COL9A1: variants seen among roughly 807,000 people sequenced by gnomAD.
COL9A1 encodes the protein collagen alpha-1(IX) chain.
A neutral mutation model predicts 142.6 loss-of-function variants in COL9A1; 104 were observed. The ratio of observed to expected loss-of-function variants is 0.73; its 90% CI spans 0.62 to 0.86. COL9A1 has a LOEUF of 0.86. COL9A1 is among the 40% of genes least tolerant of loss of function. COL9A1 has a pLI of 0.00. For synonymous variants in COL9A1, 466 were observed against 396.0 expected, an observed-to-expected ratio of 1.18 and a Z score of -2.10; for missense variants, 1,210 against 1,176.6, an observed-to-expected ratio of 1.03 and a Z score of -0.42.
intron 5 of COL9A1, among the ~76,000 whole-genome samples, chr6:70,285,006 T>A (rs1412197293): frequency 6.6e-6 from 1 of 152,242 alleles, no homozygotes; most frequent in East Asian, 1.9e-4. Flanking sequence ...CTTTCCTTCC[T>A]ACCCACAGAG....
intron 28 of COL9A1, among the ~76,000 whole-genome samples, chr6:70,248,118 C>T (rs1450262194): frequency 6.6e-6 from 1 of 152,188 alleles, no homozygotes; most frequent in East Asian, 1.9e-4. Flanking sequence ...GGCAAGTTCT[C>T]AGAAGCCAGG....
chr6:70,267,201 G>A (rs569682058), intron 17 of COL9A1, among the ~76,000 whole-genome samples: 3 of 152,162 alleles, frequency 2.0e-5, no homozygotes, highest in Admixed American at 1.3e-4. Context: ...AAAACCCTTC[G>A]GCCTCCTCCA....
chr6:70,263,740 G>A (rs772667425), intron 18 of COL9A1, among the ~76,000 whole-genome samples: 140 of 151,720 alleles, frequency 9.2e-4, no homozygotes, highest in Non-Finnish European at 1.7e-3. Flanking sequence ...ATTTTTCATC[G>A]TGATTTTTAT....
At chr6:70,270,248 A>C in intron 15 of COL9A1, 66 bp downstream of exon 15, 1 of 1,501,436 alleles carries the variant, frequency 6.7e-7, no homozygotes, top group Non-Finnish European at 9.3e-7. Flanking sequence ...TCCATTTTGG[A>C]TTCTTAGATT....
intron 4 of COL9A1, among the ~76,000 whole-genome samples, chr6:70,297,287 C>G (rs1773881781): frequency 1.3e-5 from 2 of 152,058 alleles, no homozygotes; most frequent in Non-Finnish European, 2.9e-5. Context: ...CATCGTTAAA[C>G]TAATGGTAGC....
intron 15 of COL9A1, among the ~76,000 whole-genome samples, chr6:70,269,907 G>T (rs1209791052): frequency 6.6e-6 from 1 of 152,134 alleles, no homozygotes; most frequent in African/African-American, 2.4e-5. Context: ...AGGCAAAATA[G>T]AAAATGTGGG....
intron 5 of COL9A1, among the ~76,000 whole-genome samples, chr6:70,286,726 C>T (rs139272276): frequency 4.6e-5 from 7 of 152,278 alleles, no homozygotes; most frequent in African/African-American, 1.7e-4. Context: ...CTCTGAGCTG[C>T]CTCAAAATTA....
chr6:70,266,328 A>G (rs1276769688), intron 18 of COL9A1, among the ~76,000 whole-genome samples: 2 of 152,230 alleles, frequency 1.3e-5, no homozygotes, highest in Non-Finnish European at 2.9e-5. Context: ...TCTGTTTGCT[A>G]GTCTCAGCAA....
intron 5 of COL9A1, among the ~76,000 whole-genome samples, chr6:70,285,953 A>G (rs1773436252): frequency 6.6e-6 from 1 of 152,072 alleles, no homozygotes; most frequent in Admixed American, 6.6e-5. Flanking sequence ...CAGTAGCACA[A>G]TCTTGGCTCA....
chr6:70,235,844 G>A lies in COL9A1; in HGVS notation c.2113-904C>T, dbSNP rs370814398. On this transcript the variant is annotated intron_variant, in intron 33 of 37. Coordinates refer to ENST00000357250, the MANE Select transcript of COL9A1 (RefSeq NM_001851.6). ...AAAATACTTGACCAGGCCAGGTGCGGTGGCTCACGCCTGTAATCCCAGCAC... is the reference window on the plus strand; with the variant it reads ...AAAATACTTGACCAGGCCAGGTGCGATGGCTCACGCCTGTAATCCCAGCAC... Among the ~76,000 whole-genome samples, 9 of 152,178 alleles carry A rather than the reference G, an allele frequency of 5.9e-5. No individual in the cohort carries two copies. In the East Asian group the frequency reaches 1.4e-3, roughly 23 times the overall value.
intron 2 of COL9A1, 58 bp downstream of exon 2, chr6:70,301,938 AGCCCT>A: frequency 2.2e-6 from 3 of 1,333,972 alleles, no homozygotes; most frequent in Non-Finnish European, 3.2e-6. Flanking sequence ...AGTCAGCCAC[AGCCCT>A]GCCTGATCAT....
intron 10 of COL9A1, among the ~76,000 whole-genome samples, chr6:70,277,343 C>CAAAAAA (rs200889718): frequency 7.3e-6 from 1 of 136,080 alleles, no homozygotes. Flanking sequence ...GTCCATAAGC[C>CAAAAAA]AAAAAAAAAA....
intron 19 of COL9A1, among the ~76,000 whole-genome samples, chr6:70,262,333 A>G (rs1771741086): frequency 6.6e-6 from 1 of 152,224 alleles, no homozygotes; most frequent in Admixed American, 6.5e-5. Flanking sequence ...GCTTGAAAGC[A>G]GAGACCATTT....
At chr6:70,275,595 G>A (rs946513395) in intron 10 of COL9A1, among the ~76,000 whole-genome samples, 71 of 151,784 alleles carry the variant, frequency 4.7e-4, no homozygotes, top group Admixed American at 1.4e-3. Context: ...TATAAAACAC[G>A]TATTAAAGAA....
chr6:70,251,833 G>A (rs891780575), intron 28 of COL9A1, among the ~76,000 whole-genome samples: 12 of 152,172 alleles, frequency 7.9e-5, no homozygotes, highest in Middle Eastern at 3.2e-3. Flanking sequence ...TATAGTATGT[G>A]AATTGTATCT....
chr6:70,261,470 A>C (rs1562310663), intron 19 of COL9A1, among the ~76,000 whole-genome samples: 1 of 152,162 alleles, frequency 6.6e-6, no homozygotes, highest in Non-Finnish European at 1.5e-5. Flanking sequence ...CTCCATTAGG[A>C]AAGTGGGGGT....
Position 70,263,305 on chromosome 6 carries a change from A to G in COL9A1, c.1342-8T>C. 3.1e-6 allele frequency: 5 copies of G among 1,606,258 alleles called. No homozygotes were observed. Among genetic ancestry groups the G allele is most frequent in the Non-Finnish European group, 4.3e-6 (5 of 1,176,418 alleles). On this transcript the variant is annotated splice_polypyrimidine_tract_variant and splice_region_variant and intron_variant, in intron 18 of 37. Coordinates refer to ENST00000357250, the MANE Select transcript of COL9A1 (RefSeq NM_001851.6). ...CTGGTCACCTTCTTCACCCTAAAGA[A>G]AAAAAAGAAAAAAGAAAAGCACACC...
At chr6:70,301,771 C>T (rs1436141387) in intron 2 of COL9A1, among the ~76,000 whole-genome samples, 1 of 152,206 alleles carries the variant, frequency 6.6e-6, no homozygotes, top group African/African-American at 2.4e-5. Context: ...CACTGCAGCT[C>T]ACAGATTGGC....
intron 4 of COL9A1, among the ~76,000 whole-genome samples, chr6:70,298,613 T>C (rs145224285): frequency 6.6e-6 from 1 of 152,218 alleles, no homozygotes; most frequent in African/African-American, 2.4e-5. Flanking sequence ...ACAACGAAGA[T>C]GAGCAGGAGG....
Sources: allele counts gnomAD v4.1 joint callset (sites outside exome capture counted in the v4.1 genomes callset), GRCh38; gene constraint gnomAD v4.1.1; transcripts MANE v1.5; gene names NCBI Gene and HGNC (gene_info 2026-07-23, HGNC 2026-07-21).